Variants in PRKN observed in about 807,000 individuals in gnomAD.
The protein encoded by PRKN is E3 ubiquitin-protein ligase parkin.
A neutral mutation model predicts 59.5 loss-of-function variants in PRKN; 56 were observed. The observed-to-expected ratio is 0.94, with a 90% CI of 0.76 to 1.18. The LOEUF (loss-of-function observed/expected upper bound fraction) is 1.18, where lower values mean the gene tolerates loss of function less well. Among genes scored for constraint, PRKN ranks in the 50% most tolerant of loss-of-function variants. PRKN has a pLI of 0.00. For missense variants in PRKN, 657 were observed against 596.4 expected (o/e 1.10, Z -1.06); for synonymous variants, 250 against 222.1 (o/e 1.13, Z -1.12).
intron 4 of PRKN, among the ~76,000 whole-genome samples, chr6:162,081,442 T>A (rs1409412935): frequency 6.6e-6 from 1 of 152,122 alleles, no homozygotes; most frequent in Non-Finnish European, 1.5e-5. Flanking sequence ...CACTTCCCTA[T>A]ACATTTCCAC....
At chr6:162,670,828 T>C (rs1345514775) in intron 1 of PRKN, among the ~76,000 whole-genome samples, 1 of 152,228 alleles carries the variant, frequency 6.6e-6, no homozygotes, top group African/African-American at 2.4e-5. Flanking sequence ...AAGCAATTGG[T>C]TGAACCATAA....
chr6:162,723,337 C>T (rs180711335), intron 1 of PRKN, among the ~76,000 whole-genome samples: 33 of 152,246 alleles, frequency 2.2e-4, no homozygotes, highest in South Asian at 6.2e-4. Flanking sequence ...TCTGTCAAGA[C>T]GGCAAAAATA....
intron 7 of PRKN, among the ~76,000 whole-genome samples, chr6:161,681,056 G>C (rs1190296538): frequency 2.0e-5 from 3 of 152,032 alleles, no homozygotes; most frequent in Non-Finnish European, 4.4e-5. Context: ...TACCGCCTGG[G>C]CTCAAGTGAT....
chr6:162,269,498 T>C (rs1457131967), intron 2 of PRKN: 1 of 152,220 alleles, frequency 6.6e-6, no homozygotes, highest in Non-Finnish European at 1.5e-5. Flanking sequence ...ACATCCCACC[T>C]TGGATTGTCC....
intron 7 of PRKN, among the ~76,000 whole-genome samples, chr6:161,777,910 G>GTA (rs1554304419): frequency 1.4e-5 from 2 of 144,960 alleles, no homozygotes; most frequent in East Asian, 2.0e-4. Flanking sequence ...ATATATATGT[G>GTA]TATATATATG....
intron 4 of PRKN, among the ~76,000 whole-genome samples, chr6:162,166,584 T>C (rs1214734870): frequency 1.3e-5 from 2 of 152,228 alleles, no homozygotes; most frequent in African/African-American, 4.8e-5. Context: ...GTTGAAGTAT[T>C]TCGAGGTGAA....
intron 4 of PRKN, among the ~76,000 whole-genome samples, chr6:162,160,529 T>A (rs539345490): frequency 6.6e-6 from 1 of 152,168 alleles, no homozygotes; most frequent in South Asian, 2.1e-4. Context: ...TAAAAGCATA[T>A]ACACTTATAG....
chr6:161,771,280 T>C (rs139181003), intron 7 of PRKN, among the ~76,000 whole-genome samples: 6,098 of 147,726 alleles, frequency 0.041, 417 homozygotes, highest in African/African-American at 0.14. Flanking sequence ...GGTGTGAAAT[T>C]GGGAGGCAGA....
chr6:161,465,042 A>C (rs1790396287), intron 9 of PRKN, among the ~76,000 whole-genome samples: 3 of 152,216 alleles, frequency 2.0e-5, no homozygotes. Flanking sequence ...GGTGAGCTGC[A>C]GAGGTTAGAA....
At chr6:162,305,216 T>A (rs918153151) in intron 2 of PRKN, among the ~76,000 whole-genome samples, 14 of 152,152 alleles carry the variant, frequency 9.2e-5, no homozygotes, top group Admixed American at 9.2e-4. Flanking sequence ...TGCCAATATG[T>A]CATGGCTAAT....
chr6:161,734,480 T>C (rs1787884443), intron 7 of PRKN, among the ~76,000 whole-genome samples: 1 of 152,154 alleles, frequency 6.6e-6, no homozygotes, highest in Non-Finnish European at 1.5e-5. Context: ...TCGCAAAGTC[T>C]TGTGATGGTC....
chr6:162,559,582 T>C (rs1779752247), intron 1 of PRKN, among the ~76,000 whole-genome samples: 4 of 152,218 alleles, frequency 2.6e-5, no homozygotes, highest in Admixed American at 2.6e-4. Flanking sequence ...GGCATTTATC[T>C]TGTTGGAATC....
intron 2 of PRKN, among the ~76,000 whole-genome samples, chr6:162,323,163 T>C (rs1030400986): frequency 6.6e-6 from 1 of 151,516 alleles, no homozygotes; most frequent in Non-Finnish European, 1.5e-5. Flanking sequence ...ATGGCACATG[T>C]ATACATATAC....
chr6:161,654,320 C>G (rs1001726760), intron 7 of PRKN, among the ~76,000 whole-genome samples: 19 of 152,276 alleles, frequency 1.2e-4, no homozygotes, highest in African/African-American at 4.1e-4. Flanking sequence ...CGTGTGGCTA[C>G]TGTGAAAGAT....
intron 1 of PRKN, among the ~76,000 whole-genome samples, chr6:162,659,543 T>C (rs1407737086): frequency 6.6e-6 from 1 of 152,146 alleles, no homozygotes; most frequent in East Asian, 1.9e-4. Context: ...TTGATCATAA[T>C]CAATAACATA....
intron 6 of PRKN, among the ~76,000 whole-genome samples, chr6:161,912,105 G>C (rs935348757): frequency 1.2e-4 from 18 of 151,580 alleles, no homozygotes; most frequent in African/African-American, 4.1e-4. Context: ...TTGAACCCAG[G>C]AGGCAGCAGT....
At chr6:162,172,453 G>A (rs1783330372) in intron 4 of PRKN, among the ~76,000 whole-genome samples, 1 of 152,188 alleles carries the variant, frequency 6.6e-6, no homozygotes, top group African/African-American at 2.4e-5. Flanking sequence ...TCATCCAGCA[G>A]AGCCAGGCCG....
At chr6:162,084,513 G>T (rs1779176941) in intron 4 of PRKN, among the ~76,000 whole-genome samples, 1 of 151,926 alleles carries the variant, frequency 6.6e-6, no homozygotes, top group Non-Finnish European at 1.5e-5. Context: ...AGTATTATTT[G>T]GATATTAAGA....
chr6:161,608,357 T>C (rs1004656016), intron 7 of PRKN, among the ~76,000 whole-genome samples: 6 of 152,166 alleles, frequency 3.9e-5, no homozygotes, highest in Non-Finnish European at 7.3e-5. Flanking sequence ...AAGGGAATTA[T>C]AATACCTAGT....
Sources: allele counts gnomAD v4.1 joint callset (sites outside exome capture counted in the v4.1 genomes callset), GRCh38; gene constraint gnomAD v4.1.1; transcripts MANE v1.5; gene names NCBI Gene and HGNC (gene_info 2026-07-23, HGNC 2026-07-21).